The following NTM variants were observed in gnomAD, a reference collection of about 807,000 sequenced individuals.
NTM encodes neurotrimin, also known as IgLON family member 2.
NTM carries 13 observed loss-of-function variants against 42.1 expected under a neutral mutation model. The ratio of observed to expected loss-of-function variants is 0.31; its 90% CI spans 0.20 to 0.49. NTM has a LOEUF of 0.49. Among genes scored for constraint, NTM ranks in the 20% least tolerant of loss-of-function variants. The probability of loss-of-function intolerance (pLI) is 0.99; values close to 1 mark genes in which losing one functional copy is unlikely to be tolerated. For missense variants in NTM, 373 were observed against 452.8 expected, an observed-to-expected ratio of 0.82 and a Z score of 1.60; for synonymous variants, 187 against 179.2, an observed-to-expected ratio of 1.04 and a Z score of -0.35.
chr11:131,376,987 C>T (rs1942057466), intron 1 of NTM, among the ~76,000 whole-genome samples: 1 of 152,170 alleles, frequency 6.6e-6, no homozygotes, highest in South Asian at 2.1e-4. Flanking sequence ...TTGGGTCTCT[C>T]AGATTTGGTT....
At chr11:131,543,486 A>G (rs2136826628) in intron 1 of NTM, among the ~76,000 whole-genome samples, 1 of 152,338 alleles carries the variant, frequency 6.6e-6, no homozygotes, top group African/African-American at 2.4e-5. Flanking sequence ...ACTGTCTTGT[A>G]AAGGAAGTTG....
intron 2 of NTM, among the ~76,000 whole-genome samples, chr11:132,105,125 G>A (rs1035122667): frequency 2.8e-4 from 42 of 151,110 alleles, no homozygotes; most frequent in Admixed American, 7.9e-4. Context: ...CACCCTATCT[G>A]ACCCACATCC....
In NTM at chr11:132,000,321, G is replaced by T. The variant is rs577254413; in HGVS notation, c.167+88673G>T. 5.9e-5 allele frequency among the ~76,000 whole-genome samples: 9 copies of T among 152,298 alleles called. 1 individual carries two copies. In the East Asian group the frequency reaches 1.7e-3, roughly 29 times the overall value. The stretch of plus-strand genomic sequence containing the variant: ...TGGGGGAGTTCTGTGGCCAGCAAAA[G>T]ATTTCCATATCATCAACTCCTTGTC... On this transcript the variant is annotated intron_variant, in intron 2 of 8. Coordinates refer to ENST00000683400, the MANE Select transcript of NTM (RefSeq NM_001352005.2).
intron 1 of NTM, among the ~76,000 whole-genome samples, chr11:131,810,698 G>C (rs2092699850): frequency 1.3e-5 from 2 of 152,202 alleles, no homozygotes; most frequent in Non-Finnish European, 1.5e-5. Flanking sequence ...GTCAGCAGAT[G>C]GTTTGGTCAC....
At chr11:131,885,092 CAG>C (rs2050171410) in intron 1 of NTM, among the ~76,000 whole-genome samples, 1 of 152,016 alleles carries the variant, frequency 6.6e-6, no homozygotes, top group Non-Finnish European at 1.5e-5. Flanking sequence ...GCAGGGTTGA[CAG>C]AGGCCACGGC....
At chr11:132,149,925 C>G (rs1354449376) in intron 3 of NTM, among the ~76,000 whole-genome samples, 2 of 152,218 alleles carry the variant, frequency 1.3e-5, no homozygotes, top group Non-Finnish European at 2.9e-5. Flanking sequence ...ACACTAGCCA[C>G]ACTGCAGTGC....
chr11:131,463,904 C>T (rs1054100145), intron 1 of NTM, among the ~76,000 whole-genome samples: 4 of 152,310 alleles, frequency 2.6e-5, no homozygotes, highest in Non-Finnish European at 2.9e-5. Context: ...CTTCTGGCTC[C>T]CAGAGATTGG....
intron 1 of NTM, among the ~76,000 whole-genome samples, chr11:131,739,178 A>G (rs1037238698): frequency 1.3e-5 from 2 of 148,476 alleles, no homozygotes; most frequent in Admixed American, 1.3e-4. Context: ...TCCCACACCC[A>G]CAAGTTTTCT....
chr11:132,237,020 A>G (rs1253983675), intron 4 of NTM, among the ~76,000 whole-genome samples: 1 of 150,240 alleles, frequency 6.7e-6, no homozygotes, highest in Non-Finnish European at 1.5e-5. Flanking sequence ...CCAGTCCTCC[A>G]CGATCTGGCC....
At chr11:131,690,010 G>A (rs1253894687) in intron 1 of NTM, among the ~76,000 whole-genome samples, 1 of 152,164 alleles carries the variant, frequency 6.6e-6, no homozygotes, top group African/African-American at 2.4e-5. Context: ...TGAACCTGGT[G>A]GTCTCACAGG....
intron 3 of NTM, among the ~76,000 whole-genome samples, chr11:132,197,552 G>T (rs1447299271): frequency 6.6e-6 from 1 of 151,608 alleles, no homozygotes; most frequent in African/African-American, 2.4e-5. Flanking sequence ...ACAACGTGCA[G>T]GTTTGTTATA....
In NTM at chr11:131,915,752, A is replaced by G. The variant is rs114658511; in HGVS notation, c.167+4104A>G. Reference sequence around the variant, plus strand: ...AAAGGCACATTTTACACGGCGGCAGATGAGACAATGAAAGCCAAGAGAAAG... The same window carrying G: ...AAAGGCACATTTTACACGGCGGCAGGTGAGACAATGAAAGCCAAGAGAAAG... On this transcript the variant is annotated intron_variant, in intron 2 of 8. Transcript: ENST00000683400. Among the ~76,000 whole-genome samples, 865 of 152,304 alleles carry G rather than the reference A, an allele frequency of 5.7e-3. 8 individuals are homozygous for G. Among genetic ancestry groups the G allele is most frequent in the African/African-American group, 0.018 (765 of 41,572 alleles).
chr11:132,206,699 C>T (rs2138572700), intron 3 of NTM, among the ~76,000 whole-genome samples: 1 of 152,278 alleles, frequency 6.6e-6, no homozygotes, highest in South Asian at 2.1e-4. Flanking sequence ...GGATTTCTGC[C>T]TTCCCATCTG....
At chr11:131,798,181 G>A (rs370247284) in intron 1 of NTM, among the ~76,000 whole-genome samples, 15 of 152,158 alleles carry the variant, frequency 9.9e-5, no homozygotes, top group African/African-American at 2.9e-4. Context: ...AAGGTTTGCC[G>A]TAGCGTGGTC....
chr11:132,121,814 G>T (rs190791997), intron 2 of NTM, among the ~76,000 whole-genome samples: 1 of 152,058 alleles, frequency 6.6e-6, no homozygotes, highest in Non-Finnish European at 1.5e-5. Flanking sequence ...CTACAAACAT[G>T]TTATCATTAG....
intron 4 of NTM, among the ~76,000 whole-genome samples, chr11:132,265,852 A>C (rs1200073832): frequency 6.6e-6 from 1 of 152,220 alleles, no homozygotes; most frequent in Admixed American, 6.5e-5. Context: ...AAGCACAGGC[A>C]GAGAGGAGTT....
chr11:132,117,017 A>G (rs1303646445), intron 2 of NTM, among the ~76,000 whole-genome samples: 2 of 152,198 alleles, frequency 1.3e-5, no homozygotes, highest in African/African-American at 2.4e-5. Context: ...ATTTCCTGGC[A>G]TCATTTGATC....
chr11:131,702,687 G>T (rs1401778405), intron 1 of NTM, among the ~76,000 whole-genome samples: 8 of 152,172 alleles, frequency 5.3e-5, no homozygotes, highest in Non-Finnish European at 1.0e-4. Context: ...TTGTTTTAAG[G>T]CAATTTTAAA....
intron 2 of NTM, among the ~76,000 whole-genome samples, chr11:131,930,819 T>G (rs1295890423): frequency 6.6e-6 from 1 of 152,248 alleles, no homozygotes; most frequent in African/African-American, 2.4e-5. Context: ...TGTTTTTCAT[T>G]TGATGTTATG....
Sources: allele counts gnomAD v4.1 joint callset (sites outside exome capture counted in the v4.1 genomes callset), GRCh38; gene constraint gnomAD v4.1.1; transcripts MANE v1.5; gene names NCBI Gene and HGNC (gene_info 2026-07-23, HGNC 2026-07-21).